PDZRN4: variants seen among roughly 807,000 people sequenced by gnomAD.
PDZRN4 encodes the protein PDZ domain containing ring finger 4, also known as PDZ domain-containing RING finger protein 4.
Under a neutral mutation model 99.0 loss-of-function variants are expected in PDZRN4, and 70 were observed. The ratio of observed to expected loss-of-function variants is 0.71; its 90% CI spans 0.58 to 0.86. The LOEUF (loss-of-function observed/expected upper bound fraction) is 0.86. Ranked by LOEUF, PDZRN4 falls within the 40% of genes least tolerant of loss-of-function variation. The pLI, the probability that PDZRN4 is intolerant of heterozygous loss-of-function variation, is 0.00. For missense variants in PDZRN4, 1,474 were observed against 1,331.2 expected, an observed-to-expected ratio of 1.11 and a Z score of -1.67; for synonymous variants, 551 against 501.6, an observed-to-expected ratio of 1.10 and a Z score of -1.32.
At chr12:41,557,685 T>A (rs910518783) in intron 7 of PDZRN4, among the ~76,000 whole-genome samples, 2 of 151,528 alleles carry the variant, frequency 1.3e-5, no homozygotes, top group African/African-American at 4.8e-5. Flanking sequence ...AGAGCTCCTT[T>A]TTTTTTTTTA....
intron 3 of PDZRN4, among the ~76,000 whole-genome samples, chr12:41,287,347 G>A (rs1245312014): frequency 6.6e-6 from 1 of 152,134 alleles, no homozygotes; most frequent in Non-Finnish European, 1.5e-5. Context: ...ATCCTTTCTA[G>A]CTCAAAATTG....
At chr12:41,381,728 C>T (rs1372710301) in intron 3 of PDZRN4, among the ~76,000 whole-genome samples, 2 of 152,248 alleles carry the variant, frequency 1.3e-5, no homozygotes, top group East Asian at 1.9e-4. Flanking sequence ...TCAGTTCATA[C>T]ATCTCCATTT....
intron 3 of PDZRN4, among the ~76,000 whole-genome samples, chr12:41,383,305 C>G (rs1952140132): frequency 1.3e-5 from 2 of 152,184 alleles, no homozygotes; most frequent in Non-Finnish European, 2.9e-5. Context: ...CAAAGCTGTT[C>G]TGTGGAGGCA....
chr12:41,219,847 C>T (rs1480077975), intron 3 of PDZRN4, among the ~76,000 whole-genome samples: 2 of 152,118 alleles, frequency 1.3e-5, no homozygotes, highest in Non-Finnish European at 2.9e-5. Flanking sequence ...CAATTTTAAG[C>T]TGCTGTAGCT....
chr12:41,537,436 C>T (rs1592102120), intron 5 of PDZRN4, among the ~76,000 whole-genome samples: 2 of 152,188 alleles, frequency 1.3e-5, no homozygotes, highest in South Asian at 2.1e-4. Flanking sequence ...GGATAGTAAA[C>T]GAAGTGGCAT....
At chr12:41,377,767 T>C (rs1006578995) in intron 3 of PDZRN4, among the ~76,000 whole-genome samples, 4 of 152,222 alleles carry the variant, frequency 2.6e-5, no homozygotes, top group Admixed American at 2.0e-4. Context: ...GGTATTTTCT[T>C]AATTTCTTTT....
At chr12:41,239,506 G>T (rs1423876295) in intron 3 of PDZRN4, among the ~76,000 whole-genome samples, 1 of 152,104 alleles carries the variant, frequency 6.6e-6, no homozygotes, top group Admixed American at 6.5e-5. Flanking sequence ...GGATAAATCT[G>T]CCACCTGTTC....
At chr12:41,200,354 G>C (rs1950806567) in intron 3 of PDZRN4, among the ~76,000 whole-genome samples, 1 of 152,214 alleles carries the variant, frequency 6.6e-6, no homozygotes, top group South Asian at 2.1e-4. Flanking sequence ...GGTCATCGTG[G>C]TTTTGCCACA....
chr12:41,442,800 A>G (rs991390084), intron 3 of PDZRN4, among the ~76,000 whole-genome samples: 10 of 152,018 alleles, frequency 6.6e-5, no homozygotes, highest in Non-Finnish European at 1.2e-4. Flanking sequence ...CACCATATCT[A>G]TGAGGATCTG....
intron 4 of PDZRN4, among the ~76,000 whole-genome samples, chr12:41,509,098 C>T (rs1385364052): frequency 6.6e-6 from 1 of 152,120 alleles, no homozygotes; most frequent in Non-Finnish European, 1.5e-5. Context: ...AGTTGAAATA[C>T]ATAAAAGCCA....
At chr12:41,294,635 A>G (rs148801519) in intron 3 of PDZRN4, among the ~76,000 whole-genome samples, 188 of 152,298 alleles carry the variant, frequency 1.2e-3, no homozygotes, top group African/African-American at 4.4e-3. Context: ...TTACAACTCT[A>G]TTACCTTAAA....
intron 5 of PDZRN4, among the ~76,000 whole-genome samples, chr12:41,549,254 G>T (rs1466249593): frequency 6.6e-6 from 1 of 152,144 alleles, no homozygotes; most frequent in Non-Finnish European, 1.5e-5. Flanking sequence ...AGTTGTTAGG[G>T]AAAACATTCT....
At chr12:41,239,453 T>C (rs1468226485) in intron 3 of PDZRN4, among the ~76,000 whole-genome samples, 1 of 152,148 alleles carries the variant, frequency 6.6e-6, no homozygotes, top group African/African-American at 2.4e-5. Context: ...TGCACATGTA[T>C]CCCTGAACTT....
intron 1 of PDZRN4, among the ~76,000 whole-genome samples, chr12:41,190,914 A>C (rs901811663): frequency 6.6e-6 from 1 of 152,212 alleles, no homozygotes; most frequent in African/African-American, 2.4e-5. Context: ...GGAATTATGC[A>C]AAACCAAATA....
intron 3 of PDZRN4, among the ~76,000 whole-genome samples, chr12:41,279,063 T>G (rs1461049619): frequency 6.6e-6 from 1 of 152,210 alleles, no homozygotes; most frequent in Non-Finnish European, 1.5e-5. Context: ...TGTGCTAGGA[T>G]TCTTGTTAAG....
intron 5 of PDZRN4, among the ~76,000 whole-genome samples, chr12:41,519,236 C>G (rs933926331): frequency 7.9e-5 from 12 of 152,116 alleles, no homozygotes; most frequent in South Asian, 2.1e-4. Context: ...TCTATGCTGT[C>G]CTGTTTAACA....
chr12:41,399,982 G>A (rs9652046), intron 3 of PDZRN4, among the ~76,000 whole-genome samples: 4,945 of 152,080 alleles, frequency 0.033, 118 homozygotes, highest in African/African-American at 0.07. Flanking sequence ...GAGAGAGAAC[G>A]TTATGGCCCT....
intron 3 of PDZRN4, among the ~76,000 whole-genome samples, chr12:41,372,178 T>C (rs994156341): frequency 2.6e-5 from 4 of 152,138 alleles, no homozygotes; most frequent in Non-Finnish European, 5.9e-5. Context: ...TTCAAGTGCT[T>C]CACATTGAGT....
chr12:41,511,497 C>T (rs755986639), intron 5 of PDZRN4, among the ~76,000 whole-genome samples: 1 of 152,016 alleles, frequency 6.6e-6, no homozygotes, highest in African/African-American at 2.4e-5. Context: ...GCTGTGATTC[C>T]GTTGCCAAAG....
Sources: allele counts gnomAD v4.1 joint callset (sites outside exome capture counted in the v4.1 genomes callset), GRCh38; gene constraint gnomAD v4.1.1; transcripts MANE v1.5; gene names NCBI Gene and HGNC (gene_info 2026-07-23, HGNC 2026-07-21).